The following ADAM9 variants were observed in gnomAD, a reference collection of about 807,000 sequenced individuals.
The protein encoded by ADAM9 is ADAM metallopeptidase domain 9, also known as disintegrin and metalloproteinase domain-containing protein 9.
ADAM9 carries 54 observed loss-of-function variants against 108.1 expected under a neutral mutation model. The ratio of observed to expected loss-of-function variants is 0.50; its 90% CI spans 0.40 to 0.63. The LOEUF is 0.63. Among genes scored for constraint, ADAM9 ranks in the 20% least tolerant of loss-of-function variants. The pLI is 0.00. For synonymous variants in ADAM9, 316 were observed against 336.0 expected, an observed-to-expected ratio of 0.94 and a Z score of 0.65; for missense variants, 830 against 997.7, an observed-to-expected ratio of 0.83 and a Z score of 2.26.
At chr8:39,066,118 C>G (rs1031360032) in intron 14 of ADAM9, among the ~76,000 whole-genome samples, 7 of 152,156 alleles carry the variant, frequency 4.6e-5, no homozygotes, top group Non-Finnish European at 8.8e-5. Flanking sequence ...TCCATGGTGT[C>G]TATGTGCCAC....
chr8:39,026,571 G>T, intron 10 of ADAM9, 106 bp from the exon 11 acceptor site: 1 of 1,393,854 alleles, frequency 7.2e-7, no homozygotes, highest in Non-Finnish European at 1.0e-6. Flanking sequence ...CACGTAGGCT[G>T]TCAACAGTGT....
chr8:39,055,172 G>A (rs1383411783), intron 13 of ADAM9, among the ~76,000 whole-genome samples: 1 of 152,104 alleles, frequency 6.6e-6, no homozygotes, highest in Non-Finnish European at 1.5e-5. Context: ...AATCACTGGT[G>A]CAGAATATTC....
At chr8:39,033,480 A>G (rs1260345690) in intron 11 of ADAM9, among the ~76,000 whole-genome samples, 1 of 150,682 alleles carries the variant, frequency 6.6e-6, no homozygotes, top group Non-Finnish European at 1.5e-5. Context: ...TTTTTTTTTT[A>G]GCATTGACAG....
At chr8:39,067,824 G>A (rs1022963876) in intron 14 of ADAM9, among the ~76,000 whole-genome samples, 2 of 152,178 alleles carry the variant, frequency 1.3e-5, no homozygotes, top group Admixed American at 1.3e-4. Context: ...TCTTGTGCCA[G>A]TTTTCAGAGG....
chr8:39,045,570 GTA>G (rs146208883), intron 12 of ADAM9, among the ~76,000 whole-genome samples: 34,731 of 94,544 alleles, frequency 0.37, 4,493 homozygotes, highest in Middle Eastern at 0.51. Flanking sequence ...GTGTGTGTGT[GTA>G]TATATATATA....
At chr8:39,063,017 C>T (rs1564333570) in intron 14 of ADAM9, among the ~76,000 whole-genome samples, 5 of 152,224 alleles carry the variant, frequency 3.3e-5, no homozygotes, top group Admixed American at 1.3e-4. Flanking sequence ...AGAGACCTTT[C>T]TAACTCCCTG....
At chr8:39,062,061 C>T (rs2129439905) in intron 14 of ADAM9, among the ~76,000 whole-genome samples, 1 of 152,226 alleles carries the variant, frequency 6.6e-6, no homozygotes, top group Middle Eastern at 3.4e-3. Context: ...GGGTCCCATC[C>T]TCATGATCCC....
At chr8:39,057,319 A>G (rs1838156037) in intron 14 of ADAM9, among the ~76,000 whole-genome samples, 1 of 149,740 alleles carries the variant, frequency 6.7e-6, no homozygotes, top group Non-Finnish European at 1.5e-5. Context: ...TGGAGGAATT[A>G]TTACGTGAAT....
chr8:39,082,473 G>A (rs1839053885), intron 16 of ADAM9, among the ~76,000 whole-genome samples, 168 bp from the exon 17 acceptor site: 1 of 152,004 alleles, frequency 6.6e-6, no homozygotes, highest in Admixed American at 6.6e-5. Context: ...ATTAATTAAT[G>A]CCACTTATTT....
chr8:39,028,079 C>A (rs1327295361), intron 11 of ADAM9, among the ~76,000 whole-genome samples: 7 of 152,066 alleles, frequency 4.6e-5, no homozygotes, highest in Admixed American at 3.9e-4. Flanking sequence ...CAGAGCAAGA[C>A]CCTGTTTCAA....
chr8:39,027,113 T>C (rs1240814295), intron 11 of ADAM9, among the ~76,000 whole-genome samples: 4 of 152,230 alleles, frequency 2.6e-5, no homozygotes, highest in Non-Finnish European at 5.9e-5. Context: ...TACACTCTTC[T>C]GTAAACCAGT....
intron 11 of ADAM9, among the ~76,000 whole-genome samples, chr8:39,033,275 T>C (rs370225029): frequency 1.3e-5 from 2 of 152,212 alleles, no homozygotes; most frequent in East Asian, 3.8e-4. Context: ...CCCTGTATCC[T>C]ATAACCTTAC....
At chr8:39,077,475 G>A (rs1838884935) in intron 16 of ADAM9, 64 bp downstream of exon 16, 3 of 1,416,240 alleles carry the variant, frequency 2.1e-6, no homozygotes, top group Non-Finnish European at 2.9e-6. Flanking sequence ...ATTATACATA[G>A]TAAGTGGTTG....
At position 39,071,374 on chromosome 8, in the gene ADAM9, T is replaced by C. The variant is rs1215733241; in HGVS notation, c.1668T>C (p.Ser556=). Residue 556 remains serine, a synonymous_variant, in exon 15 of 22, where the codon TCT becomes TCC. Transcript: ENST00000487273. ...KGDRFGNCGF[S]GNEYKKCATG... Reference sequence around the variant, plus strand: ...ACAGATTTGGCAATTGTGGTTTCTCTGGCAATGAATACAAGAAGTGTGCCA... The same window carrying C: ...ACAGATTTGGCAATTGTGGTTTCTCCGGCAATGAATACAAGAAGTGTGCCA... The C allele has an allele frequency of 6.2e-7, 1 of 1,613,962 alleles. No homozygotes were observed. Among genetic ancestry groups the C allele is most frequent in the South Asian group, 1.1e-5 (1 of 91,082 alleles).
intron 1 of ADAM9, among the ~76,000 whole-genome samples, chr8:39,001,056 A>C (rs1335783049): frequency 6.6e-6 from 1 of 152,026 alleles, no homozygotes; most frequent in Non-Finnish European, 1.5e-5. Flanking sequence ...GTAGTGTAGA[A>C]TCTTCATATG....
Position 39,018,975 on chromosome 8 carries a change from T to C in ADAM9, c.672+57T>C, listed in dbSNP as rs569136200. 2.0e-5 allele frequency: 29 copies of C among 1,447,846 alleles called. 1 individual carries two copies. The African/African-American group carries it at 2.5e-4, about 13-fold the overall frequency. 89.7% of individuals were successfully genotyped at this position (1,447,846 alleles called of 1,614,324 possible). A position where few individuals can be genotyped will look rare whatever the true frequency, so the allele number is the denominator to read the frequency against. ...ATGAAAAGGATATGAGAAGTGAGCA[T>C]TTAATGAAGGAAATCTAAACTACAC... On this transcript the variant is annotated intron_variant, in intron 7 of 21. Transcript: ENST00000487273.
intron 20 of ADAM9, among the ~76,000 whole-genome samples, chr8:39,099,776 A>G (rs1839624718): frequency 6.6e-6 from 1 of 152,094 alleles, no homozygotes; most frequent in East Asian, 1.9e-4. Flanking sequence ...GCTAATTAAC[A>G]TATCCAGCAC....
At chr8:39,023,458 T>A in intron 9 of ADAM9, 133 bp downstream of exon 9, 1 of 926,236 alleles carries the variant, frequency 1.1e-6, no homozygotes, top group Non-Finnish European at 1.6e-6. Context: ...TAGCTTGATG[T>A]GGCATTATCA....
At chr8:39,081,553 C>G (rs952053835) in intron 16 of ADAM9, among the ~76,000 whole-genome samples, 1 of 152,152 alleles carries the variant, frequency 6.6e-6, no homozygotes, top group Non-Finnish European at 1.5e-5. Context: ...TAGTGCATGG[C>G]TAGAGGACAC....
Sources: gnomAD v4.1 joint callset for allele counts (sites outside exome capture counted in the v4.1 genomes callset) on GRCh38, gnomAD v4.1.1 for gene constraint, MANE v1.5 for transcripts, NCBI Gene and HGNC (gene_info 2026-07-23, HGNC 2026-07-21) for gene names.